The following COLEC10 variants were observed in gnomAD, a reference collection of about 807,000 sequenced individuals.
COLEC10 encodes collectin-10.
Under a neutral mutation model 28.4 loss-of-function variants are expected in COLEC10, and 22 were observed. The ratio of observed to expected loss-of-function variants is 0.78; its 90% CI spans 0.55 to 1.11. The LOEUF (loss-of-function observed/expected upper bound fraction) is 1.11, where lower values mean the gene tolerates loss of function less well. COLEC10 is among the 50% of genes least tolerant of loss of function. The pLI is 0.00. For synonymous variants in COLEC10, 125 were observed against 116.1 expected (o/e 1.08, Z -0.49); for missense variants, 361 against 344.1 (o/e 1.05, Z -0.39).
At chr8:119,013,506 T>G (rs970119620) in intron 2 of COLEC10, among the ~76,000 whole-genome samples, 1 of 150,876 alleles carries the variant, frequency 6.6e-6, no homozygotes, top group Non-Finnish European at 1.5e-5. Flanking sequence ...TGAGTTCAAC[T>G]CAATGTCCTT....
At chr8:118,990,938 T>C (rs754066970), upstream of COLEC10, among the ~76,000 whole-genome samples, 12 of 151,938 alleles carry the variant, frequency 7.9e-5, no homozygotes, top group Non-Finnish European at 1.8e-4. Context: ...CAATTCCATA[T>C]ACTTAGTACT....
chr8:119,092,780 C>T (rs1261010998), intron 3 of COLEC10, among the ~76,000 whole-genome samples: 1 of 152,016 alleles, frequency 6.6e-6, no homozygotes, highest in Admixed American at 6.6e-5. Context: ...GTGGTGCACG[C>T]CTGTAATCCC....
intron 2 of COLEC10, among the ~76,000 whole-genome samples, chr8:119,023,967 A>G (rs143141623): frequency 6.6e-6 from 1 of 152,316 alleles, no homozygotes; most frequent in African/African-American, 2.4e-5. Context: ...ACGCATGTAT[A>G]TTCCTTCTAG....
the COLEC10 span, among the ~76,000 whole-genome samples, chr8:118,973,056 C>G: frequency 1.1e-4 from 17 of 152,056 alleles, no homozygotes; most frequent in Middle Eastern, 6.8e-3. Context: ...CATTGGGTCC[C>G]TCCCATGACA....
chr8:119,046,270 G>A (rs1814587049), intron 2 of COLEC10, among the ~76,000 whole-genome samples: 1 of 151,938 alleles, frequency 6.6e-6, no homozygotes, highest in Non-Finnish European at 1.5e-5. Flanking sequence ...TGTGAAGTTT[G>A]TCATTTCAAA....
intron 1 of COLEC10, among the ~76,000 whole-genome samples, chr8:119,006,908 T>C (rs968334780): frequency 6.6e-6 from 1 of 152,116 alleles, no homozygotes; most frequent in Non-Finnish European, 1.5e-5. Flanking sequence ...TATTTTCTAA[T>C]CATAATTTTA....
At chr8:119,092,628 G>A (rs758820589) in intron 3 of COLEC10, among the ~76,000 whole-genome samples, 18 of 152,108 alleles carry the variant, frequency 1.2e-4, no homozygotes, top group Non-Finnish European at 2.2e-4. Context: ...ATTAGAGGCC[G>A]GATGCAGTGG....
the COLEC10 span, among the ~76,000 whole-genome samples, chr8:118,969,137 G>A: frequency 6.6e-6 from 1 of 152,006 alleles, no homozygotes; most frequent in Admixed American, 6.6e-5. Context: ...TGGAAGTAGA[G>A]TTTGGAGATA....
chr8:119,106,295 T>C lies in COLEC10; in HGVS notation c.*104T>C. 7.9e-7 allele frequency: 1 copy of C among 1,267,944 alleles called. No individual in the cohort carries two copies. Among genetic ancestry groups the C allele is most frequent in the South Asian group, 1.5e-5 (1 of 68,004 alleles). The allele number at this position is 1,267,944 out of a possible 1,614,324, so 78.5% of individuals were successfully genotyped here. ...GTACTACATTTGATCTGAGTCAACATAGCTAGAAAATGCTAAACTGAGGTA... is the reference window on the plus strand; with the variant it reads ...GTACTACATTTGATCTGAGTCAACACAGCTAGAAAATGCTAAACTGAGGTA... On this transcript the variant is annotated 3_prime_UTR_variant, in exon 6 of 6. Transcript: ENST00000332843.
At chr8:119,034,320 C>T (rs1347904254) in intron 2 of COLEC10, among the ~76,000 whole-genome samples, 1 of 151,834 alleles carries the variant, frequency 6.6e-6, no homozygotes, top group Non-Finnish European at 1.5e-5. Flanking sequence ...AGCCAACCAC[C>T]ATGGCACATG....
chr8:119,050,502 C>A (rs1272832045), intron 2 of COLEC10, among the ~76,000 whole-genome samples: 1 of 152,142 alleles, frequency 6.6e-6, no homozygotes, highest in Non-Finnish European at 1.5e-5. Context: ...CATATACACA[C>A]TTATAGTCTG....
the COLEC10 span, among the ~76,000 whole-genome samples, chr8:118,967,789 A>G: frequency 1.1e-4 from 17 of 152,216 alleles, no homozygotes; most frequent in Non-Finnish European, 2.5e-4. Context: ...TTGCTATTAT[A>G]AATGTTAAAT....
At chr8:119,075,724 G>A (rs192797520) in intron 1 of COLEC10, among the ~76,000 whole-genome samples, 1 of 152,136 alleles carries the variant, frequency 6.6e-6, no homozygotes, top group African/African-American at 2.4e-5. Context: ...TACTGCTCTT[G>A]CATGCGATTT....
intron 2 of COLEC10, among the ~76,000 whole-genome samples, chr8:119,036,805 T>C (rs1293983297): frequency 6.6e-6 from 1 of 152,116 alleles, no homozygotes; most frequent in Non-Finnish European, 1.5e-5. Context: ...AGGAATAACC[T>C]GGAGCTAGAA....
At chr8:119,105,538 T>A (rs1455270604) in intron 5 of COLEC10, among the ~76,000 whole-genome samples, 1 of 152,142 alleles carries the variant, frequency 6.6e-6, no homozygotes. Flanking sequence ...AAAGTTCATG[T>A]AACATGTCTT....
chr8:118,986,016 A>T, the COLEC10 span, among the ~76,000 whole-genome samples: 1 of 152,180 alleles, frequency 6.6e-6, no homozygotes, highest in African/African-American at 2.4e-5. Flanking sequence ...CAAATGCAGC[A>T]CTTATAGAAA....
chr8:119,009,800 A>G (rs993433891), intron 2 of COLEC10, among the ~76,000 whole-genome samples: 1 of 150,626 alleles, frequency 6.6e-6, no homozygotes, highest in Non-Finnish European at 1.5e-5. Context: ...TAGTTATAAT[A>G]AAAGAGTGTA....
chr8:118,958,628 A>G, the COLEC10 span, among the ~76,000 whole-genome samples: 4 of 152,250 alleles, frequency 2.6e-5, no homozygotes, highest in African/African-American at 9.6e-5. Context: ...TTAGCATTCA[A>G]TTTCAAAAAG....
chr8:119,082,575 T>A (rs1815390302), intron 1 of COLEC10, among the ~76,000 whole-genome samples: 1 of 152,114 alleles, frequency 6.6e-6, no homozygotes, highest in African/African-American at 2.4e-5. Flanking sequence ...AGGGAGTTAG[T>A]TTAGTTCTGA....
Sources: gnomAD v4.1 joint callset for allele counts (sites outside exome capture counted in the v4.1 genomes callset) on GRCh38, gnomAD v4.1.1 for gene constraint, MANE v1.5 for transcripts, NCBI Gene and HGNC (gene_info 2026-07-23, HGNC 2026-07-21) for gene names.